Variants in CSMD1 observed in about 807,000 individuals in gnomAD.
CSMD1 encodes the protein CUB and sushi domain-containing protein 1.
Under a neutral mutation model 417.5 loss-of-function variants are expected in CSMD1, and 213 were observed. The observed-to-expected ratio is 0.51, with a 90% CI of 0.46 to 0.57. The LOEUF is 0.57. Ranked by LOEUF, CSMD1 falls within the 20% of genes least tolerant of loss-of-function variation. The pLI, the probability that CSMD1 is intolerant of heterozygous loss-of-function variation, is 0.00. For missense variants in CSMD1, 6,923 were observed against 4,529.7 expected, an observed-to-expected ratio of 1.53 and a Z score of -15.17; for synonymous variants, 2,862 against 1,736.8, an observed-to-expected ratio of 1.65 and a Z score of -16.11.
intron 3 of CSMD1, among the ~76,000 whole-genome samples, chr8:4,186,765 T>C (rs961143249): frequency 2.6e-5 from 4 of 151,352 alleles, no homozygotes; most frequent in African/African-American, 9.7e-5. Flanking sequence ...GGCGGGTGGA[T>C]CACTTGAGGT....
intron 3 of CSMD1, among the ~76,000 whole-genome samples, chr8:4,291,117 C>G (rs557649148): frequency 6.6e-6 from 1 of 152,028 alleles, no homozygotes; most frequent in Non-Finnish European, 1.5e-5. Flanking sequence ...CTAAATGTTT[C>G]TATGACAGGA....
chr8:4,818,458 T>A (rs1251223239), intron 1 of CSMD1, among the ~76,000 whole-genome samples: 1 of 152,164 alleles, frequency 6.6e-6, no homozygotes, highest in Non-Finnish European at 1.5e-5. Flanking sequence ...AAATCCAAAC[T>A]TAAATTCAAC....
chr8:3,741,772 G>A (rs78694586), intron 6 of CSMD1, among the ~76,000 whole-genome samples: 8,851 of 152,184 alleles, frequency 0.058, 323 homozygotes, highest in Middle Eastern at 0.099. Flanking sequence ...TTATTTGTGG[G>A]AATATGCCCA....
chr8:4,058,946 C>A (rs180889383), intron 3 of CSMD1, among the ~76,000 whole-genome samples: 3 of 151,782 alleles, frequency 2.0e-5, no homozygotes, highest in East Asian at 1.9e-4. Flanking sequence ...GCGGGCCTAA[C>A]AGACATCTAC....
chr8:4,773,937 T>A (rs1426743911), intron 1 of CSMD1, among the ~76,000 whole-genome samples: 1 of 152,228 alleles, frequency 6.6e-6, no homozygotes, highest in African/African-American at 2.4e-5. Flanking sequence ...GGCTCACGCC[T>A]GAAATCTCAG....
At chr8:3,582,890 C>A (rs573396808) in intron 9 of CSMD1, among the ~76,000 whole-genome samples, 1 of 152,156 alleles carries the variant, frequency 6.6e-6, no homozygotes, top group Non-Finnish European at 1.5e-5. Flanking sequence ...ACATACCTTT[C>A]CCAGTTACTC....
intron 3 of CSMD1, among the ~76,000 whole-genome samples, chr8:4,039,598 T>A (rs1451935842): frequency 6.6e-6 from 1 of 152,150 alleles, no homozygotes; most frequent in Non-Finnish European, 1.5e-5. Context: ...TCAAAAAGTC[T>A]CATTCTCCAG....
intron 3 of CSMD1, among the ~76,000 whole-genome samples, chr8:4,140,608 C>T (rs996029857): frequency 1.3e-5 from 2 of 150,884 alleles, no homozygotes; most frequent in Non-Finnish European, 2.9e-5. Context: ...GTCAAGGCTG[C>T]AGTGAGCCAT....
chr8:3,747,179 T>G lies in CSMD1; in HGVS notation c.931+6751A>C, dbSNP rs892419943. 2.6e-5 allele frequency among the ~76,000 whole-genome samples: 4 copies of G among 152,308 alleles called. No individual in the cohort carries two copies. The Middle Eastern group carries it at 0.01, about 389-fold the overall frequency. ...GTACTCACATCCTGGTTCTGCCATT[T>G]GCAAGCTGTATGACGAGAGCCACAG... On this transcript the variant is annotated intron_variant, in intron 6 of 69. Coordinates refer to ENST00000635120, the MANE Select transcript of CSMD1 (RefSeq NM_033225.6).
chr8:4,758,540 G>C (rs991593911), intron 1 of CSMD1, among the ~76,000 whole-genome samples: 5 of 152,154 alleles, frequency 3.3e-5, no homozygotes, highest in Non-Finnish European at 5.9e-5. Flanking sequence ...GTGAGAGGCA[G>C]AAACGTCAGT....
chr8:4,701,028 C>G (rs4529488), intron 1 of CSMD1, among the ~76,000 whole-genome samples: 106,634 of 151,998 alleles, frequency 0.7, 38,171 homozygotes, highest in African/African-American at 0.84. Context: ...GGGAGGCAAA[C>G]TAGTGAACAA....
chr8:4,733,206 T>C (rs780294369), intron 1 of CSMD1, among the ~76,000 whole-genome samples: 1 of 152,190 alleles, frequency 6.6e-6, no homozygotes, highest in Non-Finnish European at 1.5e-5. Flanking sequence ...AACATTACAT[T>C]CCAAAACAGA....
chr8:4,454,776 T>C (rs544683519), intron 2 of CSMD1, among the ~76,000 whole-genome samples: 1 of 152,352 alleles, frequency 6.6e-6, no homozygotes, highest in African/African-American at 2.4e-5. Flanking sequence ...ATAGCCATTC[T>C]AAAGGCACTT....
At position 4,446,211 on chromosome 8, in the gene CSMD1, A is replaced by T. The variant is rs188925547; in HGVS notation, c.303-26146T>A. Among the ~76,000 whole-genome samples, 381 of 152,298 alleles carry T rather than the reference A, an allele frequency of 2.5e-3. 9 individuals are homozygous for T. The Middle Eastern group carries it at 0.037, about 15-fold the overall frequency. ...ACAAAAGACATTTTGTTTTTTCCACAATCATCTATTTCTAGGATACCTTTG... is the reference window on the plus strand; with the variant it reads ...ACAAAAGACATTTTGTTTTTTCCACTATCATCTATTTCTAGGATACCTTTG... On this transcript the variant is annotated intron_variant, in intron 2 of 69. Transcript: ENST00000635120.
intron 23 of CSMD1, 21 bp from the exon 24 acceptor site, chr8:3,308,524 G>C (rs770260119): frequency 1.3e-6 from 2 of 1,591,858 alleles, no homozygotes; most frequent in East Asian, 2.3e-5. Flanking sequence ...GAAAGGCAAG[G>C]AATGAACAGA....
intron 49 of CSMD1, among the ~76,000 whole-genome samples, chr8:3,058,987 T>C (rs539126441): frequency 1.3e-5 from 2 of 152,182 alleles, no homozygotes; most frequent in East Asian, 3.9e-4. Context: ...GGTGTGATGT[T>C]GGATGTTGAC....
At chr8:4,862,205 C>CT (rs1452584015) in intron 1 of CSMD1, among the ~76,000 whole-genome samples, 1 of 151,906 alleles carries the variant, frequency 6.6e-6, no homozygotes, top group Non-Finnish European at 1.5e-5. Context: ...TCAACGAGGC[C>CT]TGGGGGGCTT....
At chr8:4,452,528 C>T (rs559407622) in intron 2 of CSMD1, among the ~76,000 whole-genome samples, 4 of 152,134 alleles carry the variant, frequency 2.6e-5, no homozygotes, top group Admixed American at 2.0e-4. Flanking sequence ...ATTAACTCAA[C>T]AATTATAAAA....
chr8:3,684,991 C>G (rs1799874517), intron 7 of CSMD1, among the ~76,000 whole-genome samples: 1 of 152,108 alleles, frequency 6.6e-6, no homozygotes, highest in Non-Finnish European at 1.5e-5. Flanking sequence ...ATACGGGAAT[C>G]AATATTTTTG....
Sources: allele counts gnomAD v4.1 joint callset (sites outside exome capture counted in the v4.1 genomes callset), GRCh38; gene constraint gnomAD v4.1.1; transcripts MANE v1.5; gene names NCBI Gene and HGNC (gene_info 2026-07-23, HGNC 2026-07-21).